ADCY2: variants seen among roughly 807,000 people sequenced by gnomAD.
ADCY2 encodes the protein adenylate cyclase type 2.
In ADCY2, 31 loss-of-function variants were observed where a neutral mutation model predicts 125.2. That is an observed-to-expected ratio of 0.25 (90% CI 0.19 to 0.33). The LOEUF (loss-of-function observed/expected upper bound fraction) is 0.33, where lower values mean the gene tolerates loss of function less well. ADCY2 is among the 10% of genes least tolerant of loss of function. The pLI, the probability that ADCY2 is intolerant of heterozygous loss-of-function variation, is 1.00. For missense variants in ADCY2, 904 were observed against 1,418.2 expected (o/e 0.64, Z 5.82); for synonymous variants, 512 against 548.4 (o/e 0.93, Z 0.93).
intron 2 of ADCY2, among the ~76,000 whole-genome samples, chr5:7,439,816 G>A (rs1182479403): frequency 6.6e-6 from 1 of 152,156 alleles, no homozygotes; most frequent in Non-Finnish European, 1.5e-5. Flanking sequence ...AGCAGGAGGA[G>A]CTAAGCTGGC....
At position 7,744,806 on chromosome 5, in the gene ADCY2, A is replaced by G. The variant is rs146009726; in HGVS notation, c.1956+1054A>G. Reference sequence around the variant, plus strand: ...TAATTAATAACCTATTATAAAAAATAAATAGAAATGTTCTTTAAAATATTT... The same window carrying G: ...TAATTAATAACCTATTATAAAAAATGAATAGAAATGTTCTTTAAAATATTT... On this transcript the variant is annotated intron_variant, in intron 15 of 24. Transcript: ENST00000338316. Among the ~76,000 whole-genome samples the G allele has an allele frequency of 6.9e-3, 1,044 of 152,396 alleles. 5 individuals carry two copies. Among genetic ancestry groups the G allele is most frequent in the Non-Finnish European group, 0.011 (732 of 68,042 alleles).
intron 11 of ADCY2, among the ~76,000 whole-genome samples, chr5:7,714,214 C>G (rs1741527571): frequency 6.6e-6 from 1 of 152,132 alleles, no homozygotes. Flanking sequence ...GTGCCTCTGG[C>G]CAATAAGATG....
chr5:7,530,453 C>T (rs985214888), intron 3 of ADCY2, among the ~76,000 whole-genome samples: 4 of 152,116 alleles, frequency 2.6e-5, no homozygotes, highest in Admixed American at 2.6e-4. Context: ...GATCATAGCT[C>T]ACTGCAGTCT....
At chr5:7,796,695 C>T (rs558084085) in intron 20 of ADCY2, 2 of 152,318 alleles carry the variant, frequency 1.3e-5, no homozygotes, top group South Asian at 4.1e-4. Flanking sequence ...TGTTAACTGT[C>T]ATGGCCAGAT....
chr5:7,735,781 CT>C (rs984754822), intron 14 of ADCY2, among the ~76,000 whole-genome samples: 1 of 152,160 alleles, frequency 6.6e-6, no homozygotes, highest in Non-Finnish European at 1.5e-5. Flanking sequence ...CTGATTTCTA[CT>C]TTTTTTTGTG....
chr5:7,606,046 T>C lies in ADCY2; in HGVS notation c.571-20121T>C, dbSNP rs7702099. ...AGGGTTGTTGAATTTTGTCAAAGGC[T>C]TTTTCTGCATCTATTGAGATAATCA... On this transcript the variant is annotated intron_variant, in intron 3 of 24. Transcript: ENST00000338316. 6.0e-3 allele frequency among the ~76,000 whole-genome samples: 894 copies of C among 148,996 alleles called. 7 individuals carry two copies. Among genetic ancestry groups the C allele is most frequent in the African/African-American group, 0.021 (865 of 40,272 alleles).
At chr5:7,826,174 C>T (rs552264518) in intron 24 of ADCY2, among the ~76,000 whole-genome samples, 8 of 152,224 alleles carry the variant, frequency 5.3e-5, no homozygotes, top group South Asian at 4.2e-4. Context: ...CTGACAGACG[C>T]GACCATTGGC....
At chr5:7,667,115 C>A (rs985955278) in intron 4 of ADCY2, among the ~76,000 whole-genome samples, 1 of 152,152 alleles carries the variant, frequency 6.6e-6, no homozygotes, top group African/African-American at 2.4e-5. Context: ...GCATTCAGAG[C>A]ATATGAGCAA....
chr5:7,777,175 T>C (rs1312411976), intron 18 of ADCY2, among the ~76,000 whole-genome samples: 1 of 152,176 alleles, frequency 6.6e-6, no homozygotes, highest in Non-Finnish European at 1.5e-5. Flanking sequence ...AAGCAGCTCC[T>C]CTGTCCTGTT....
At chr5:7,513,148 A>G (rs1019117818) in intron 2 of ADCY2, among the ~76,000 whole-genome samples, 26 of 144,308 alleles carry the variant, frequency 1.8e-4, no homozygotes, top group Non-Finnish European at 2.5e-4. Context: ...GAGAGAGAGA[A>G]AGATCTGGGG....
intron 14 of ADCY2, among the ~76,000 whole-genome samples, chr5:7,739,501 T>A (rs1742352501): frequency 6.6e-6 from 1 of 151,746 alleles, no homozygotes; most frequent in Admixed American, 6.6e-5. Context: ...CAAATTTCGA[T>A]CTTAGGAAGC....
At chr5:7,759,908 G>T (rs556151911) in intron 16 of ADCY2, among the ~76,000 whole-genome samples, 7 of 140,900 alleles carry the variant, frequency 5.0e-5, no homozygotes, top group African/African-American at 1.6e-4. Flanking sequence ...GAAGAATAGG[G>T]TTGGGGGGTG....
At position 7,826,708 on chromosome 5, in the gene ADCY2, G is replaced by A; in HGVS notation, c.3124-11G>A. The A allele has an allele frequency of 6.2e-7, 1 of 1,613,802 alleles. No homozygotes were observed. The highest frequency in any genetic ancestry group is 1.3e-5 in the African/African-American group (1 of 74,968). ...ACTAAGCCCGTTTTCCCGTGTTCCTGTGCCTTCTAGGTTACCGAGGAGACG... is the reference window on the plus strand; with the variant it reads ...ACTAAGCCCGTTTTCCCGTGTTCCTATGCCTTCTAGGTTACCGAGGAGACG... On this transcript the variant is annotated splice_polypyrimidine_tract_variant and intron_variant, in intron 24 of 24. Coordinates refer to ENST00000338316, the MANE Select transcript of ADCY2 (RefSeq NM_020546.3).
At chr5:7,645,988 G>T (rs1015080449) in intron 4 of ADCY2, among the ~76,000 whole-genome samples, 2 of 152,130 alleles carry the variant, frequency 1.3e-5, no homozygotes, top group African/African-American at 4.8e-5. Context: ...TGTAAATAAG[G>T]TTAAAACAAA....
intron 4 of ADCY2, among the ~76,000 whole-genome samples, chr5:7,655,043 G>A (rs1672142020): frequency 6.6e-6 from 1 of 152,150 alleles, no homozygotes. Flanking sequence ...GAGAGATCTA[G>A]AAATGTTGTT....
rs753862186 is a variant in ADCY2 at position 7,717,140 on chromosome 5, T to G, written c.1623-17T>G. The G allele has an allele frequency of 6.5e-7, 1 of 1,548,186 alleles. No individual in the cohort carries two copies. Among genetic ancestry groups the G allele is most frequent in the African/African-American group, 1.4e-5 (1 of 73,398 alleles). Reference sequence around the variant, plus strand: ...ACTAATAATATCCTTACCCATAATATTCCATTTTTCATATAGAACCAAGTC... The same window carrying G: ...ACTAATAATATCCTTACCCATAATAGTCCATTTTTCATATAGAACCAAGTC... On this transcript the variant is annotated splice_polypyrimidine_tract_variant and intron_variant, in intron 11 of 24. Transcript: ENST00000338316.
At chr5:7,430,464 T>G (rs886229610) in intron 2 of ADCY2, among the ~76,000 whole-genome samples, 3 of 148,582 alleles carry the variant, frequency 2.0e-5, no homozygotes, top group African/African-American at 7.6e-5. Flanking sequence ...CAAATCAAAA[T>G]TTATCAAGTG....
At chr5:7,422,916 A>G (rs1740263867) in intron 2 of ADCY2, among the ~76,000 whole-genome samples, 1 of 152,124 alleles carries the variant, frequency 6.6e-6, no homozygotes, top group South Asian at 2.1e-4. Context: ...AATGCGACCA[A>G]AGAATGTATT....
intron 5 of ADCY2, among the ~76,000 whole-genome samples, chr5:7,694,446 C>T (rs1178556913): frequency 6.6e-6 from 1 of 152,134 alleles, no homozygotes; most frequent in East Asian, 1.9e-4. Flanking sequence ...CCACAACTCC[C>T]CCTCCCCCAA....
Sources: allele counts gnomAD v4.1 joint callset (sites outside exome capture counted in the v4.1 genomes callset), GRCh38; gene constraint gnomAD v4.1.1; transcripts MANE v1.5; gene names NCBI Gene and HGNC (gene_info 2026-07-23, HGNC 2026-07-21).